The following MYO5C variants were observed in gnomAD, a reference collection of about 807,000 sequenced individuals.
MYO5C encodes unconventional myosin-Vc.
Under a neutral mutation model 235.7 loss-of-function variants are expected in MYO5C, and 194 were observed. That is an observed-to-expected ratio of 0.82 (90% CI 0.73 to 0.93). The LOEUF (loss-of-function observed/expected upper bound fraction) is 0.93. MYO5C is among the 40% of genes least tolerant of loss of function. The probability of loss-of-function intolerance (pLI) is 0.00; values close to 1 mark genes in which losing one functional copy is unlikely to be tolerated. For synonymous variants in MYO5C, 707 were observed against 754.8 expected (o/e 0.94, Z 1.04); for missense variants, 2,038 against 2,127.2 (o/e 0.96, Z 0.82).
chr15:52,256,030 T>C (rs941051729), intron 11 of MYO5C, among the ~76,000 whole-genome samples: 1 of 152,216 alleles, frequency 6.6e-6, no homozygotes, highest in African/African-American at 2.4e-5. Context: ...ATCTGCTGTT[T>C]AGTGCTGCAT....
intron 37 of MYO5C, 29 bp from the exon 38 acceptor site, chr15:52,205,176 C>T: frequency 6.2e-7 from 1 of 1,606,252 alleles, no homozygotes. Flanking sequence ...GCTGTGCTGA[C>T]ACGCCAGGAG....
chr15:52,209,097 A>G (rs1167550074), intron 35 of MYO5C, among the ~76,000 whole-genome samples: 1 of 152,108 alleles, frequency 6.6e-6, no homozygotes, highest in Non-Finnish European at 1.5e-5. Context: ...AAATGGGTGG[A>G]GAGACAAGAG....
intron 24 of MYO5C, among the ~76,000 whole-genome samples, chr15:52,232,199 G>A: frequency 3.9e-5 from 3 of 77,814 alleles, no homozygotes; most frequent in East Asian, 1.7e-3. Context: ...AGGGAGGAAG[G>A]AAGGAAGGAA....
intron 32 of MYO5C, among the ~76,000 whole-genome samples, chr15:52,217,882 C>A (rs1350122621): frequency 6.6e-6 from 1 of 152,130 alleles, no homozygotes; most frequent in Non-Finnish European, 1.5e-5. Flanking sequence ...TTCGAAGGGG[C>A]CCGAGAGGGT....
chr15:52,196,467 A>C lies in MYO5C; in HGVS notation c.4837T>G (p.Leu1613Val). ...GMQIRCNISY[L>V]EEWLKDKNLQ... is the part of the protein sequence containing the mutation. ...TTCTTATCTTTAAGCCATTCTTCTA[A>C]GTAGCTGATATTGCACCTGGAGGGA... The change falls in exon 39 of 41, where the codon TTA becomes GTA. Residue 1613 changes from leucine (L) to valine (V), a missense_variant. By Grantham distance (32) the Leu-to-Val change is conservative (BLOSUM62 1). Coordinates refer to ENST00000261839, the MANE Select transcript of MYO5C (RefSeq NM_018728.4). 2 of 1,613,534 alleles carry C rather than the reference A, an allele frequency of 1.2e-6. No individual in the cohort carries two copies. The highest frequency in any genetic ancestry group is 1.7e-6 in the Non-Finnish European group (2 of 1,179,814).
At position 52,235,905 on chromosome 15, in the gene MYO5C, C is replaced by T. The variant is rs1017276538; in HGVS notation, c.2869-142G>A. The T allele has an allele frequency of 6.8e-6, 4 of 585,352 alleles. No individual in the cohort carries two copies. In the African/African-American group the frequency reaches 7.5e-5, roughly 11 times the overall value. 36.3% of individuals were successfully genotyped at this position (585,352 alleles called of 1,614,324 possible). A position where few individuals can be genotyped will look rare whatever the true frequency, so the allele number is the denominator to read the frequency against. Reference sequence around the variant, plus strand: ...CCTGTCTATAGATAACAGCGAGCACCAGCCACTGTAAGACGCTGCCATTTG... The same window carrying T: ...CCTGTCTATAGATAACAGCGAGCACTAGCCACTGTAAGACGCTGCCATTTG... On this transcript the variant is annotated intron_variant, in intron 22 of 40. Coordinates refer to ENST00000261839, the MANE Select transcript of MYO5C (RefSeq NM_018728.4).
chr15:52,222,046 T>A (rs1297615337), intron 29 of MYO5C, among the ~76,000 whole-genome samples: 1 of 152,206 alleles, frequency 6.6e-6, no homozygotes, highest in Non-Finnish European at 1.5e-5. Context: ...AAAAATAGGC[T>A]TTGTGTTAGA....
At chr15:52,227,761 A>G (rs1267989789) in intron 25 of MYO5C, among the ~76,000 whole-genome samples, 1 of 152,184 alleles carries the variant, frequency 6.6e-6, no homozygotes, top group East Asian at 1.9e-4. Flanking sequence ...TTTAAACAAT[A>G]GGGGACGGGG....
At chr15:52,195,962 CTTTTTTTTTTTT>C (rs71130140) in intron 39 of MYO5C, among the ~76,000 whole-genome samples, 28 of 80,978 alleles carry the variant, frequency 3.5e-4, no homozygotes, top group Admixed American at 6.9e-4. Flanking sequence ...TCACACCCAG[CTTTTTTTTTTTT>C]TTTTTTTTTT....
intron 23 of MYO5C, among the ~76,000 whole-genome samples, chr15:52,233,998 G>A (rs145538800): frequency 9.2e-5 from 14 of 152,214 alleles, no homozygotes; most frequent in East Asian, 5.8e-4. Flanking sequence ...GCTTCAGAAC[G>A]TTGTAAGGCA....
chr15:52,286,967 A>G (rs1268698128), intron 1 of MYO5C, among the ~76,000 whole-genome samples: 1 of 124,500 alleles, frequency 8.0e-6, no homozygotes, highest in Admixed American at 8.6e-5. Context: ...GAAAAAAAAA[A>G]AAGAAAAACT....
chr15:52,262,901 G>C (rs907279632), intron 9 of MYO5C, among the ~76,000 whole-genome samples: 4 of 152,236 alleles, frequency 2.6e-5, no homozygotes, highest in Non-Finnish European at 4.4e-5. Flanking sequence ...ACCGTATTTG[G>C]AGATGGGGCC....
intron 35 of MYO5C, 59 bp downstream of exon 35, chr15:52,211,671 G>A (rs531871997): frequency 1.3e-6 from 2 of 1,551,542 alleles, no homozygotes; most frequent in Non-Finnish European, 1.8e-6. Flanking sequence ...GCAAAGACTG[G>A]GCATCTGGTC....
intron 28 of MYO5C, 37 bp downstream of exon 28, chr15:52,224,864 T>A: frequency 6.4e-7 from 1 of 1,557,122 alleles, no homozygotes; most frequent in Non-Finnish European, 8.8e-7. Context: ...TTATTATCTC[T>A]GAAAAATAAA....
intron 1 of MYO5C, among the ~76,000 whole-genome samples, chr15:52,289,315 C>G (rs2037341709): frequency 1.4e-5 from 2 of 139,802 alleles, no homozygotes; most frequent in Non-Finnish European, 3.2e-5. Flanking sequence ...TGAGACCTCC[C>G]ACCCAGATCG....
At chr15:52,259,815 T>C (rs534001023) in intron 10 of MYO5C, among the ~76,000 whole-genome samples, 2 of 152,364 alleles carry the variant, frequency 1.3e-5, no homozygotes, top group Admixed American at 1.3e-4. Flanking sequence ...TCCACCTGGG[T>C]GCAAGTCCAA....
At chr15:52,242,465 C>A in intron 19 of MYO5C, 2 of 447,162 alleles carry the variant, frequency 4.5e-6, no homozygotes, top group East Asian at 3.7e-5. Context: ...CTCAGGTACC[C>A]ACAGAGACGA....
In MYO5C at chr15:52,278,187, C is replaced by A. The variant is rs140075334; in HGVS notation, c.449+686G>T. On this transcript the variant is annotated intron_variant, in intron 4 of 40. Coordinates refer to ENST00000261839, the MANE Select transcript of MYO5C (RefSeq NM_018728.4). ...TACTTTACAGATGAAGACACTGAAG[C>A]CAAAAGTGATAGTTATGGGAAAAAT... Among the ~76,000 whole-genome samples the A allele has an allele frequency of 5.3e-3, 814 of 152,198 alleles. 4 individuals carry two copies. The highest frequency in any genetic ancestry group is 0.028 in the South Asian group (133 of 4,802).
chr15:52,224,362 C>T (rs1422909593), intron 28 of MYO5C, among the ~76,000 whole-genome samples: 1 of 152,178 alleles, frequency 6.6e-6, no homozygotes, highest in Non-Finnish European at 1.5e-5. Flanking sequence ...TCAAAACCTA[C>T]AGAATGTACA....
Sources: gnomAD v4.1 joint callset for allele counts (sites outside exome capture counted in the v4.1 genomes callset) on GRCh38, gnomAD v4.1.1 for gene constraint, MANE v1.5 for transcripts, NCBI Gene and HGNC (gene_info 2026-07-23, HGNC 2026-07-21) for gene names.